Variants in MTR observed in about 807,000 individuals in gnomAD.
The protein encoded by MTR is methionine synthase.
In MTR, 84 loss-of-function variants were observed where a neutral mutation model predicts 154.8. The ratio of observed to expected loss-of-function variants is 0.54; its 90% CI spans 0.45 to 0.65. MTR has a LOEUF of 0.65. MTR is among the 30% of genes least tolerant of loss of function. MTR has a pLI of 0.00. For synonymous variants in MTR, 554 were observed against 553.9 expected (o/e 1.00, Z 0.00); for missense variants, 1,275 against 1,570.2 (o/e 0.81, Z 3.18).
intron 9 of MTR, 57 bp from the exon 10 acceptor site, chr1:236,825,281 A>G: frequency 7.8e-7 from 1 of 1,281,320 alleles, no homozygotes; most frequent in Non-Finnish European, 1.1e-6. Flanking sequence ...AGTCTTTAAA[A>G]ATACAGTGTA....
rs1380454043 is a variant in MTR at position 236,897,567 on chromosome 1, T to C, written c.3721T>C (p.Tyr1241His). 1.2e-6 allele frequency: 2 copies of C among 1,613,908 alleles called. No individual in the cohort carries two copies. Among genetic ancestry groups the C allele is most frequent in the African/African-American group, 1.3e-5 (1 of 74,916 alleles). The change falls in exon 33 of 33, where the codon TAT becomes CAT. Residue 1241 changes from tyrosine (Y) to histidine (H), a missense_variant. By Grantham distance (83) the Tyr-to-His change is moderately conservative (BLOSUM62 2). Transcript: ENST00000366577. ...TTCTCATCTTTTGCAGGTTGAGGAT[T>C]ATGCATTGAGGAAGAACATATCTGT... is the stretch of plus-strand genomic sequence containing the variant. ...GKISKDQVED[Y>H]ALRKNISVAE...
At chr1:236,798,565 C>A (rs555943005) in intron 1 of MTR, among the ~76,000 whole-genome samples, 1 of 152,362 alleles carries the variant, frequency 6.6e-6, no homozygotes, top group East Asian at 1.9e-4. Context: ...CTTAGGCTCA[C>A]TAGCCAAGGA....
At chr1:236,874,933 A>G (rs2147882416) in intron 24 of MTR, 87 bp downstream of exon 24, 1 of 1,454,804 alleles carries the variant, frequency 6.9e-7, no homozygotes, top group African/African-American at 1.4e-5. Flanking sequence ...GTTGTTTTGG[A>G]TTTTCCCTTA....
rs1479249107 is a variant in MTR, at chr1:236,852,577, C to G, written c.1752C>G (p.Phe584Leu). The change falls in exon 17 of 33, where the codon TTC becomes TTG. Residue 584 changes from phenylalanine (F) to leucine (L), a missense_variant. Physicochemically the swap from Phe to Leu is conservative, Grantham distance 22. Transcript: ENST00000366577. ...SGGLSNLSFS[F>L]RGMEAIREAM... ...GTCTTTCCAACTTGTCCTTCTCCTTCCGAGGAATGGAAGCCATTCGAGAAG... is the reference window on the plus strand; with the variant it reads ...GTCTTTCCAACTTGTCCTTCTCCTTGCGAGGAATGGAAGCCATTCGAGAAG... The G allele has an allele frequency of 7.4e-6, 12 of 1,613,932 alleles. No individual in the cohort carries two copies. Among genetic ancestry groups the G allele is most frequent in the Non-Finnish European group, 1.0e-5 (12 of 1,179,988 alleles).
intron 1 of MTR, chr1:236,800,106 CTT>C (rs1352560460): frequency 1.0e-6 from 1 of 985,212 alleles, no homozygotes; most frequent in Non-Finnish European, 1.2e-6. Flanking sequence ...AGTACTAAGA[CTT>C]TTTATGAAAA....
rs1255574319 is a variant in MTR, at chr1:236,894,425, T to G, written c.3273T>G (p.Ser1091=). The G allele has an allele frequency of 1.2e-6, 2 of 1,614,124 alleles. No individual in the cohort carries two copies. The highest frequency in any genetic ancestry group is 4.5e-5 in the East Asian group (2 of 44,892). Residue 1091 remains serine (S), a synonymous_variant, in exon 30 of 33, where the codon TCT becomes TCG. Coordinates refer to ENST00000366577, the MANE Select transcript of MTR (RefSeq NM_000254.3). The part of the protein sequence containing the change: ...CLSDFIAPLH[S]GIRDYLGLFA... Reference sequence around the variant, plus strand: ...CAGACTTCATCGCTCCCTTGCATTCTGGCATCCGTGACTACCTGGGCCTGT... The same window carrying G: ...CAGACTTCATCGCTCCCTTGCATTCGGGCATCCGTGACTACCTGGGCCTGT...
chr1:236,891,242 T>C lies in MTR; in HGVS notation c.3117T>C (p.Ser1039=). The change falls in exon 29 of 33, where the codon AGT becomes AGC. Residue 1039 remains serine, a synonymous_variant. Coordinates refer to ENST00000366577, the MANE Select transcript of MTR (RefSeq NM_000254.3). ...TGGTTGGGTTCTGGCCAGCACAGAG[T>C]ATCCAAGACGACATTCACCTGTACG... ...RGVVGFWPAQ[S]IQDDIHLYAE... is the part of the protein sequence containing the mutation. The C allele has an allele frequency of 6.2e-7, 1 of 1,613,758 alleles. No homozygotes were observed. Among genetic ancestry groups the C allele is most frequent in the Non-Finnish European group, 8.5e-7 (1 of 1,179,950 alleles).
chr1:236,813,345 T>C (rs944359616), intron 6 of MTR, among the ~76,000 whole-genome samples: 3 of 152,198 alleles, frequency 2.0e-5, no homozygotes, highest in Non-Finnish European at 2.9e-5. Context: ...GAAGCAAATA[T>C]CCTTATACAT....
Position 236,899,165 on chromosome 1 carries a change from C to T in MTR, c.*1521C>T, listed in dbSNP as rs1195533426. The T allele has an allele frequency of 1.3e-5, 2 of 152,094 alleles. No homozygotes were observed. The highest frequency in any genetic ancestry group is 2.4e-5 in the African/African-American group (1 of 41,410). The allele number at this position is 152,094 out of a possible 1,614,324, so 9.4% of individuals were successfully genotyped here. A position where few individuals can be genotyped will look rare whatever the true frequency, so the allele number is the denominator to read the frequency against. ...TTTAATACCATTTTCAATGGAAATT[C>T]CAACAGATTTTATTGAATGAAACAA... On this transcript the variant is annotated 3_prime_UTR_variant, in exon 33 of 33. Coordinates refer to ENST00000366577, the MANE Select transcript of MTR (RefSeq NM_000254.3).
At chr1:236,844,453 CGTGTGTGTGTGTGTGTGTGTGTGTGTGT>C (rs58179715) in intron 15 of MTR, among the ~76,000 whole-genome samples, 54 of 145,256 alleles carry the variant, frequency 3.7e-4, no homozygotes, top group African/African-American at 8.7e-4. Context: ...TCAGAAAGGG[CGTGTGTGTGTGTGTGTGTGTGTGTGTGT>C]GTGTGTGTGT....
chr1:236,830,092 C>A (rs1662523893), intron 12 of MTR, among the ~76,000 whole-genome samples: 1 of 152,124 alleles, frequency 6.6e-6, no homozygotes, highest in South Asian at 2.1e-4. Flanking sequence ...GTAGTGTCCA[C>A]TTTTCTCACT....
At chr1:236,815,177 A>G (rs1010292297) in intron 6 of MTR, among the ~76,000 whole-genome samples, 2 of 152,058 alleles carry the variant, frequency 1.3e-5, no homozygotes, top group Non-Finnish European at 2.9e-5. Context: ...TTATTTATTT[A>G]TTTTTGAGAC....
chr1:236,816,128 G>A (rs755402109), intron 7 of MTR, among the ~76,000 whole-genome samples: 1 of 152,232 alleles, frequency 6.6e-6, no homozygotes, highest in Non-Finnish European at 1.5e-5. Context: ...ACAGCAGGAG[G>A]TCAGGATGAC....
Position 236,901,460 on chromosome 1 carries a change from C to T in MTR, c.*3816C>T, listed in dbSNP as rs1666913734. ...AGTCTTTAAAAACAATTATTTTAAC[C>T]CAACTTCCAGGGAGACTGAATTTCT... On this transcript the variant is annotated 3_prime_UTR_variant, in exon 33 of 33. Coordinates refer to ENST00000366577, the MANE Select transcript of MTR (RefSeq NM_000254.3). 1 of 146,580 alleles carries T rather than the reference C, an allele frequency of 6.8e-6. No homozygotes were observed. Among genetic ancestry groups the T allele is most frequent in the African/African-American group, 2.7e-5 (1 of 36,636 alleles). The allele number at this position is 146,580 out of a possible 1,614,324, so 9.1% of individuals were successfully genotyped here.
At chr1:236,801,127 C>G (rs2103005014) in intron 1 of MTR, among the ~76,000 whole-genome samples, 1 of 152,326 alleles carries the variant, frequency 6.6e-6, no homozygotes, top group Non-Finnish European at 1.5e-5. Context: ...GCCTACCAGT[C>G]TTTCTATTAT....
At chr1:236,885,769 C>T (rs1167900768) in intron 26 of MTR, among the ~76,000 whole-genome samples, 5 of 152,178 alleles carry the variant, frequency 3.3e-5, no homozygotes, top group African/African-American at 1.2e-4. Context: ...CGGTTATCTG[C>T]CTTCTGGGCT....
intron 13 of MTR, among the ~76,000 whole-genome samples, chr1:236,833,709 G>T (rs185731291): frequency 6.6e-6 from 1 of 152,282 alleles, no homozygotes; most frequent in Admixed American, 6.5e-5. Context: ...AGAAGTTCCA[G>T]TCCTATGTTC....
At chr1:236,888,472 C>T (rs1475429252) in intron 27 of MTR, among the ~76,000 whole-genome samples, 1 of 152,224 alleles carries the variant, frequency 6.6e-6, no homozygotes, top group African/African-American at 2.4e-5. Flanking sequence ...TCCACGTATA[C>T]CCACTAGCCA....
chr1:236,806,271 C>A, intron 3 of MTR, 38 bp downstream of exon 3: 1 of 1,532,460 alleles, frequency 6.5e-7, no homozygotes, highest in Non-Finnish European at 9.0e-7. Flanking sequence ...AAGATGCTTA[C>A]GAGCGTTTGC....
Sources: gnomAD v4.1 joint callset for allele counts (sites outside exome capture counted in the v4.1 genomes callset) on GRCh38, gnomAD v4.1.1 for gene constraint, MANE v1.5 for transcripts, NCBI Gene and HGNC (gene_info 2026-07-23, HGNC 2026-07-21) for gene names.